Variants in NOS1AP observed in about 807,000 individuals in gnomAD.
NOS1AP encodes carboxyl-terminal PDZ ligand of neuronal nitric oxide synthase protein.
In NOS1AP, 21 loss-of-function variants were observed where a neutral mutation model predicts 56.2. The ratio of observed to expected loss-of-function variants is 0.37; its 90% CI spans 0.26 to 0.54. The LOEUF (loss-of-function observed/expected upper bound fraction) is 0.54. NOS1AP is among the 20% of genes least tolerant of loss of function. NOS1AP has a pLI of 0.84. For missense variants in NOS1AP, 522 were observed against 657.8 expected, an observed-to-expected ratio of 0.79 and a Z score of 2.26; for synonymous variants, 270 against 274.6, an observed-to-expected ratio of 0.98 and a Z score of 0.17.
chr1:162,337,574 G>GA, intron 5 of NOS1AP, among the ~76,000 whole-genome samples: 1 of 152,164 alleles, frequency 6.6e-6, no homozygotes. Context: ...TTGTGGATGA[G>GA]AAAATCAATA....
intron 1 of NOS1AP, among the ~76,000 whole-genome samples, chr1:162,081,765 T>TAGATATATAG (rs1384111590): frequency 8.1e-5 from 3 of 37,060 alleles, no homozygotes; most frequent in Non-Finnish European, 1.5e-4. Flanking sequence ...GATATATATA[T>TAGATATATAG]ATATATATAT....
At position 162,364,110 on chromosome 1, in the gene NOS1AP, A is replaced by C. The variant is rs542387852; in HGVS notation, c.940-1294A>C. 3.0e-6 allele frequency: 3 copies of C among 985,416 alleles called. No homozygotes were observed. The East Asian group carries it at 3.4e-4, about 112-fold the overall frequency. 61.0% of individuals were successfully genotyped at this position (985,416 alleles called of 1,614,324 possible). A position where few individuals can be genotyped will look rare whatever the true frequency, so the allele number is the denominator to read the frequency against. ...TAGCACTGCCCTTTACTCCCTAAAA[A>C]AATGTGAATCTCTTTGGAGCAAACT... On this transcript the variant is annotated intron_variant, in intron 8 of 9. Transcript: ENST00000361897.
chr1:162,217,001 T>G (rs989796981), intron 2 of NOS1AP, among the ~76,000 whole-genome samples: 9 of 152,130 alleles, frequency 5.9e-5, no homozygotes, highest in Admixed American at 5.9e-4. Context: ...TTATAGAGGA[T>G]TCATCATCAA....
At chr1:162,180,396 C>T (rs1157897911) in intron 2 of NOS1AP, among the ~76,000 whole-genome samples, 4 of 152,076 alleles carry the variant, frequency 2.6e-5, no homozygotes, top group Admixed American at 2.6e-4. Flanking sequence ...AGGCGCCCGC[C>T]ACCACGGCCA....
chr1:162,231,821 C>T (rs185262811), intron 2 of NOS1AP, among the ~76,000 whole-genome samples: 1 of 152,174 alleles, frequency 6.6e-6, no homozygotes, highest in Admixed American at 6.5e-5. Flanking sequence ...TAATTAAAAG[C>T]CATGTTCTAA....
intron 2 of NOS1AP, among the ~76,000 whole-genome samples, chr1:162,253,249 C>T (rs925702437): frequency 6.6e-6 from 1 of 152,134 alleles, no homozygotes; most frequent in African/African-American, 2.4e-5. Context: ...GCAAGAAGGT[C>T]CTTGTCAGAT....
intron 1 of NOS1AP, among the ~76,000 whole-genome samples, chr1:162,145,832 G>C (rs901198382): frequency 6.6e-6 from 1 of 152,158 alleles, no homozygotes; most frequent in Non-Finnish European, 1.5e-5. Context: ...ATGACCAGGA[G>C]ACCAGCGGGA....
At chr1:162,316,992 G>T in intron 4 of NOS1AP, 1 of 159,388 alleles carries the variant, frequency 6.3e-6, no homozygotes, top group Non-Finnish European at 1.4e-5. Context: ...ATTTGTTGCA[G>T]TTTTTACTGA....
chr1:162,165,254 G>A (rs946215765), intron 2 of NOS1AP, among the ~76,000 whole-genome samples: 1 of 152,140 alleles, frequency 6.6e-6, no homozygotes, highest in African/African-American at 2.4e-5. Flanking sequence ...CCAGGAGGCA[G>A]GGGTTGCGGT....
intron 2 of NOS1AP, among the ~76,000 whole-genome samples, chr1:162,243,862 G>A (rs544407111): frequency 4.6e-5 from 7 of 152,130 alleles, no homozygotes; most frequent in Admixed American, 1.3e-4. Context: ...TTGGAGGACC[G>A]TCTTCCCCTC....
At chr1:162,224,166 A>AG (rs1171630173) in intron 2 of NOS1AP, among the ~76,000 whole-genome samples, 2 of 152,028 alleles carry the variant, frequency 1.3e-5, no homozygotes, top group Non-Finnish European at 2.9e-5. Context: ...TTTTGGGGAC[A>AG]GAAAAAAAAA....
At chr1:162,159,375 T>C (rs1650102476) in intron 2 of NOS1AP, among the ~76,000 whole-genome samples, 1 of 152,196 alleles carries the variant, frequency 6.6e-6, no homozygotes, top group African/African-American at 2.4e-5. Context: ...TCTAGTGCTA[T>C]TGTTGAATCT....
intron 2 of NOS1AP, among the ~76,000 whole-genome samples, chr1:162,190,973 T>G (rs1651612059): frequency 6.6e-6 from 1 of 151,892 alleles, no homozygotes; most frequent in Non-Finnish European, 1.5e-5. Context: ...TCATCAGGGT[T>G]TTTGAGGGCT....
intron 4 of NOS1AP, chr1:162,317,929 G>C (rs1361780711): frequency 6.6e-6 from 1 of 152,158 alleles, no homozygotes; most frequent in Non-Finnish European, 1.5e-5. Flanking sequence ...ACATCAAAAC[G>C]GCATTAGCTC....
chr1:162,344,016 G>A, intron 6 of NOS1AP, 40 bp downstream of exon 6: 1 of 1,611,226 alleles, frequency 6.2e-7, no homozygotes, highest in Non-Finnish European at 8.5e-7. Context: ...TGGGAAGGCA[G>A]TGCACACAGT....
chr1:162,268,721 A>G (rs972999924), intron 2 of NOS1AP, among the ~76,000 whole-genome samples: 12 of 152,202 alleles, frequency 7.9e-5, no homozygotes, highest in Admixed American at 5.2e-4. Context: ...ACAAGCCTCT[A>G]TGAAAAAGAA....
intron 2 of NOS1AP, among the ~76,000 whole-genome samples, chr1:162,248,680 T>C (rs949418389): frequency 6.6e-6 from 1 of 152,158 alleles, no homozygotes; most frequent in Non-Finnish European, 1.5e-5. Flanking sequence ...GAGATCCTAA[T>C]TGACAGGGTC....
At chr1:162,122,228 C>T (rs1648269942) in intron 1 of NOS1AP, among the ~76,000 whole-genome samples, 2 of 152,150 alleles carry the variant, frequency 1.3e-5, no homozygotes, top group South Asian at 4.1e-4. Context: ...GTGTCCAGAA[C>T]AGTGCTTTCA....
chr1:162,229,746 G>A (rs2101667122), intron 2 of NOS1AP, among the ~76,000 whole-genome samples: 1 of 152,296 alleles, frequency 6.6e-6, no homozygotes, highest in South Asian at 2.1e-4. Context: ...CTCCCTGAAT[G>A]ATAATCCCAG....
Sources: allele counts gnomAD v4.1 joint callset (sites outside exome capture counted in the v4.1 genomes callset), GRCh38; gene constraint gnomAD v4.1.1; transcripts MANE v1.5; gene names NCBI Gene and HGNC (gene_info 2026-07-23, HGNC 2026-07-21).